SLF1: variants seen among roughly 807,000 people sequenced by gnomAD.
The protein encoded by SLF1 is SMC5/6 complex localization factor 1.
In SLF1, 105 loss-of-function variants were observed where a neutral mutation model predicts 123.0. The observed-to-expected ratio is 0.85, with a 90% CI of 0.73 to 1.00. SLF1 has a LOEUF of 1.00. Among genes scored for constraint, SLF1 ranks in the 50% least tolerant of loss-of-function variants. The pLI is 0.00. For missense variants in SLF1, 1,239 were observed against 1,223.0 expected (o/e 1.01, Z -0.20); for synonymous variants, 434 against 406.6 (o/e 1.07, Z -0.81).
chr5:94,692,067 A>C lies in SLF1; in HGVS notation c.2513-7A>C. The C allele has an allele frequency of 1.9e-6, 3 of 1,612,680 alleles. No homozygotes were observed. The highest frequency in any genetic ancestry group is 2.5e-6 in the Non-Finnish European group (3 of 1,179,286). Reference sequence around the variant, plus strand: ...TGTTTTAAAACTTGCCTTGATTTCTAATTTAGACAATGCTGGCTGGACGCC... The same window carrying C: ...TGTTTTAAAACTTGCCTTGATTTCTCATTTAGACAATGCTGGCTGGACGCC... On this transcript the variant is annotated splice_polypyrimidine_tract_variant and splice_region_variant and intron_variant, in intron 19 of 20. Coordinates refer to ENST00000265140, the MANE Select transcript of SLF1 (RefSeq NM_032290.4).
At chr5:94,619,307 A>G (rs1324870880) in intron 1 of SLF1, among the ~76,000 whole-genome samples, 5 of 151,846 alleles carry the variant, frequency 3.3e-5, no homozygotes, top group African/African-American at 4.8e-5. Flanking sequence ...TTAAACTGCT[A>G]AAACGGCAGT....
At chr5:94,666,791 C>T (rs1170958946) in intron 12 of SLF1, among the ~76,000 whole-genome samples, 2 of 152,020 alleles carry the variant, frequency 1.3e-5, no homozygotes, top group African/African-American at 4.8e-5. Context: ...CATGTGCCTC[C>T]ACGTCCAGCT....
chr5:94,653,335 A>G lies in SLF1; in HGVS notation c.946A>G (p.Lys316Glu). 3 of 1,526,124 alleles carry G rather than the reference A, an allele frequency of 2.0e-6. No homozygotes were observed. Among genetic ancestry groups the G allele is most frequent in the Non-Finnish European group, 2.6e-6 (3 of 1,139,930 alleles). 94.5% of individuals were successfully genotyped at this position (1,526,124 alleles called of 1,614,324 possible). Residue 316 changes from lysine to glutamate, a missense_variant, in exon 8 of 21, where the codon AAA becomes GAA. Transcript: ENST00000265140. ...TTATACTTTGAGGAGAAAACGCAAG[A>G]AAGGAAAAGAAAGCAATTGCAAGAA... Reference protein sequence around the residue: ...RSYTLRRKRKKGKESNCKKGV... With the variant: ...RSYTLRRKRKEGKESNCKKGV...
intron 1 of SLF1, among the ~76,000 whole-genome samples, chr5:94,627,806 T>C (rs1258451758): frequency 1.3e-5 from 2 of 151,430 alleles, no homozygotes; most frequent in African/African-American, 4.8e-5. Flanking sequence ...GTCTGTAGGT[T>C]TCAAAAGCTC....
At chr5:94,620,623 A>G (rs536821809) in intron 1 of SLF1, among the ~76,000 whole-genome samples, 3 of 152,342 alleles carry the variant, frequency 2.0e-5, no homozygotes, top group African/African-American at 7.2e-5. Flanking sequence ...GTAAAATAAA[A>G]AATTCTGTGT....
chr5:94,658,262 TATC>T (rs1399379487), intron 9 of SLF1, among the ~76,000 whole-genome samples: 3 of 151,948 alleles, frequency 2.0e-5, no homozygotes, highest in African/African-American at 4.8e-5. Flanking sequence ...TGGTGGTAGA[TATC>T]ATCCGTTTGC....
intron 1 of SLF1, among the ~76,000 whole-genome samples, chr5:94,628,202 G>C (rs1229802466): frequency 6.6e-6 from 1 of 151,860 alleles, no homozygotes; most frequent in Non-Finnish European, 1.5e-5. Flanking sequence ...CTGGAGTGCA[G>C]TGGCATGATC....
intron 1 of SLF1, among the ~76,000 whole-genome samples, chr5:94,620,798 G>T (rs1226602130): frequency 6.6e-6 from 1 of 152,060 alleles, no homozygotes; most frequent in East Asian, 1.9e-4. Context: ...GCATGTTACT[G>T]CTTAAAAGTA....
At chr5:94,687,566 A>G (rs1243425541) in intron 16 of SLF1, among the ~76,000 whole-genome samples, 1 of 152,026 alleles carries the variant, frequency 6.6e-6, no homozygotes, top group Non-Finnish European at 1.5e-5. Context: ...ATGGTGGCAC[A>G]TGCCTGTGGT....
At chr5:94,665,505 C>T (rs1332345000) in intron 11 of SLF1, among the ~76,000 whole-genome samples, 1 of 152,180 alleles carries the variant, frequency 6.6e-6, no homozygotes, top group Non-Finnish European at 1.5e-5. Flanking sequence ...AATCCCAGCA[C>T]TTTGGGAGGC....
intron 5 of SLF1, among the ~76,000 whole-genome samples, chr5:94,645,147 G>A (rs577202244): frequency 6.6e-6 from 1 of 152,176 alleles, no homozygotes; most frequent in Non-Finnish European, 1.5e-5. Flanking sequence ...ATGAAGAGAA[G>A]TATGTAAGAG....
chr5:94,647,251 T>A (rs1747170399), intron 5 of SLF1, among the ~76,000 whole-genome samples: 1 of 152,242 alleles, frequency 6.6e-6, no homozygotes, highest in Non-Finnish European at 1.5e-5. Context: ...AAATACTATT[T>A]AAGCATCAGG....
At chr5:94,657,503 G>C (rs1001282772) in intron 9 of SLF1, among the ~76,000 whole-genome samples, 4 of 152,088 alleles carry the variant, frequency 2.6e-5, no homozygotes, top group African/African-American at 9.6e-5. Context: ...TGAGAAGAAT[G>C]TGTATTCTGA....
At chr5:94,632,394 A>AT (rs1745308196) in intron 4 of SLF1, among the ~76,000 whole-genome samples, 1 of 152,158 alleles carries the variant, frequency 6.6e-6, no homozygotes, top group Admixed American at 6.5e-5. Context: ...TTCCGTACAC[A>AT]TTTTAGAATC....
rs114857629 is a variant in SLF1, at chr5:94,621,371, A to G, written c.-1+2606A>G. Among the ~76,000 whole-genome samples the G allele has an allele frequency of 7.5e-3, 1,146 of 152,328 alleles. 17 individuals carry two copies. Among genetic ancestry groups the G allele is most frequent in the African/African-American group, 0.026 (1,065 of 41,568 alleles). Reference sequence around the variant, plus strand: ...GATTTCCCAGTATCCTCATCTGCACAAGAAAAATAAATAGCACTTATGTTG... The same window carrying G: ...GATTTCCCAGTATCCTCATCTGCACGAGAAAAATAAATAGCACTTATGTTG... On this transcript the variant is annotated intron_variant, in intron 1 of 20. Transcript: ENST00000265140.
intron 7 of SLF1, 134 bp downstream of exon 7, chr5:94,651,979 C>T (rs775498903): frequency 1.1e-5 from 4 of 378,844 alleles, no homozygotes; most frequent in Non-Finnish European, 1.7e-5. Context: ...AGAGCATTAC[C>T]AGTTTTTAAG....
At chr5:94,660,519 C>T (rs1248372446) in intron 9 of SLF1, among the ~76,000 whole-genome samples, 1 of 152,158 alleles carries the variant, frequency 6.6e-6, no homozygotes, top group Non-Finnish European at 1.5e-5. Context: ...CTCAGGCCCC[C>T]CGATAGCTCC....
intron 4 of SLF1, 125 bp downstream of exon 4, chr5:94,630,868 C>G: frequency 9.8e-7 from 1 of 1,025,238 alleles, no homozygotes; most frequent in Non-Finnish European, 1.4e-6. Context: ...CTCCAATCTC[C>G]TAGGTAAGCC....
chr5:94,636,304 G>A (rs536694919), intron 4 of SLF1, among the ~76,000 whole-genome samples: 59 of 152,266 alleles, frequency 3.9e-4, no homozygotes, highest in African/African-American at 1.4e-3. Flanking sequence ...GATGCTTCTT[G>A]TCCCTGGATG....
Sources: allele counts gnomAD v4.1 joint callset (sites outside exome capture counted in the v4.1 genomes callset), GRCh38; gene constraint gnomAD v4.1.1; transcripts MANE v1.5; gene names NCBI Gene and HGNC (gene_info 2026-07-23, HGNC 2026-07-21).